The following KIF1B variants were observed in gnomAD, a reference collection of about 807,000 sequenced individuals.
KIF1B encodes kinesin family member 1B.
In KIF1B, 76 loss-of-function variants were observed where a neutral mutation model predicts 241.9. That is an observed-to-expected ratio of 0.31 (90% CI 0.26 to 0.38). The LOEUF (loss-of-function observed/expected upper bound fraction) is 0.38. Among genes scored for constraint, KIF1B ranks in the 10% least tolerant of loss-of-function variants. The pLI is 1.00. For missense variants in KIF1B, 1,622 were observed against 2,271.4 expected, an observed-to-expected ratio of 0.71 and a Z score of 5.81; for synonymous variants, 750 against 796.7, an observed-to-expected ratio of 0.94 and a Z score of 0.99.
At chr1:10,217,516 C>T (rs1437785159) in intron 1 of KIF1B, among the ~76,000 whole-genome samples, 1 of 151,798 alleles carries the variant, frequency 6.6e-6, no homozygotes, top group African/African-American at 2.4e-5. Flanking sequence ...GGTGTTTCAC[C>T]ATGTTGGCCA....
chr1:10,279,015 A>G (rs1372650044), intron 13 of KIF1B, 82 bp from the exon 14 acceptor site: 5 of 985,672 alleles, frequency 5.1e-6, no homozygotes, highest in African/African-American at 4.8e-5. Flanking sequence ...CCAAATGCCA[A>G]AAACTGCTCT....
chr1:10,308,004 C>T, intron 22 of KIF1B: 9 of 1,057,164 alleles, frequency 8.5e-6, no homozygotes, highest in Non-Finnish European at 6.9e-6. Context: ...ACCTTTTGTG[C>T]TTTAGGTGCA....
At chr1:10,250,258 G>T (rs1197710180) in intron 2 of KIF1B, among the ~76,000 whole-genome samples, 4 of 151,972 alleles carry the variant, frequency 2.6e-5, no homozygotes, top group Non-Finnish European at 4.4e-5. Context: ...CTGTAAACTA[G>T]GTATTACCTC....
chr1:10,318,374 A>G (rs1376723734), intron 22 of KIF1B, among the ~76,000 whole-genome samples: 2 of 151,538 alleles, frequency 1.3e-5, no homozygotes, highest in Non-Finnish European at 2.9e-5. Flanking sequence ...GTGGATAGTC[A>G]TACTTATACC....
intron 5 of KIF1B, among the ~76,000 whole-genome samples, chr1:10,262,662 T>C (rs959260808): frequency 3.3e-5 from 5 of 152,236 alleles, no homozygotes; most frequent in Non-Finnish European, 5.9e-5. Flanking sequence ...TTTGATAATG[T>C]AAGTATTCTC....
At chr1:10,244,708 G>C (rs1350604084) in intron 2 of KIF1B, among the ~76,000 whole-genome samples, 4 of 151,528 alleles carry the variant, frequency 2.6e-5, no homozygotes, top group Non-Finnish European at 5.9e-5. Context: ...CGCCTCCCGG[G>C]TTCACGCCAT....
At position 10,303,610 on chromosome 1, in the gene KIF1B, A is replaced by G; in HGVS notation, c.2115+6364A>G. On this transcript the variant is annotated intron_variant, in intron 22 of 48. Transcript: ENST00000676179. The surrounding 1 kb of genome is among the most constrained non-coding windows in gnomAD (Gnocchi z 5.2). ...TGAGAAGATCGAAGACGTCATGGCC[A>G]CTGGGAAAGGCAGCACTGATGTAGA... is the stretch of plus-strand genomic sequence containing the variant. 6.2e-7 allele frequency: 1 copy of G among 1,614,240 alleles called. No homozygotes were observed. The highest frequency in any genetic ancestry group is 8.5e-7 in the Non-Finnish European group (1 of 1,180,044).
chr1:10,343,004 A>G (rs1188118687), intron 33 of KIF1B, among the ~76,000 whole-genome samples: 2 of 152,196 alleles, frequency 1.3e-5, no homozygotes, highest in Non-Finnish European at 2.9e-5. Context: ...ATGTCTTGAG[A>G]TAGGCACGTG....
At chr1:10,219,551 G>A (rs187408970) in intron 1 of KIF1B, among the ~76,000 whole-genome samples, 2 of 152,010 alleles carry the variant, frequency 1.3e-5, no homozygotes, top group African/African-American at 4.8e-5. Context: ...GAGGTCGGGA[G>A]TTTGAGACTA....
At chr1:10,231,137 G>GA (rs1339594347) in intron 1 of KIF1B, 1 of 152,218 alleles carries the variant, frequency 6.6e-6, no homozygotes, top group African/African-American at 2.4e-5. Context: ...TTGAATCCGG[G>GA]AGGCAGAGGT....
chr1:10,277,759 G>T (rs1649193589), intron 12 of KIF1B, among the ~76,000 whole-genome samples: 1 of 152,178 alleles, frequency 6.6e-6, no homozygotes, highest in South Asian at 2.1e-4. Context: ...TTGGGTTTAA[G>T]TCCTCTCGCT....
At position 10,303,451 on chromosome 1, in the gene KIF1B, C is replaced by T. The variant is rs771399291; in HGVS notation, c.2115+6205C>T. The T allele has an allele frequency of 2.2e-5, 35 of 1,614,040 alleles. No individual in the cohort carries two copies. The highest frequency in any genetic ancestry group is 3.3e-5 in the South Asian group (3 of 91,086). ...TGCTCTCAATGACTTCAGGCACAGT[C>T]GGCAGGAGATTGAAGCCCTGGCCAT... On this transcript the variant is annotated intron_variant, in intron 22 of 48. Transcript: ENST00000676179. The surrounding 1 kb of genome is among the most constrained non-coding windows in gnomAD (Gnocchi z 5.2).
chr1:10,278,833 T>C (rs1352509927), intron 13 of KIF1B: 2 of 426,046 alleles, frequency 4.7e-6, no homozygotes, highest in African/African-American at 3.9e-5. Context: ...TATGGGTTAG[T>C]TTAGTAAAGC....
At chr1:10,305,698 G>A in intron 22 of KIF1B, 1 of 1,057,946 alleles carries the variant, frequency 9.5e-7, no homozygotes, top group Non-Finnish European at 1.1e-6. Flanking sequence ...AACAAGGAAG[G>A]CGAAGTCCTG....
rs1651729173 is a variant in KIF1B at position 10,326,489 on chromosome 1, A to G, written c.2924+130A>G. On this transcript the variant is annotated intron_variant, in intron 27 of 48. Transcript: ENST00000676179. This position sits in a 1 kb window ranked among gnomAD's most constrained non-coding sequence, Gnocchi z 5.2. ...ATGAATGCTCTTTTTCAAGTTCTCC[A>G]ATACTTCAAGCTCTTAGTCAGTGCT... 3 of 1,219,770 alleles carry G rather than the reference A, an allele frequency of 2.5e-6. No individual in the cohort carries two copies. Among genetic ancestry groups the G allele is most frequent in the Non-Finnish European group, 3.6e-6 (3 of 838,656 alleles). 75.6% of individuals were successfully genotyped at this position (1,219,770 alleles called of 1,614,324 possible).
chr1:10,291,628 C>T (rs570142370), intron 16 of KIF1B, among the ~76,000 whole-genome samples: 11 of 151,366 alleles, frequency 7.3e-5, no homozygotes, highest in African/African-American at 2.2e-4. Context: ...AGGAGAATGG[C>T]GTGAACCTGG....
At chr1:10,340,432 A>C (rs1350904306) in intron 32 of KIF1B, among the ~76,000 whole-genome samples, 2 of 152,188 alleles carry the variant, frequency 1.3e-5, no homozygotes, top group Non-Finnish European at 2.9e-5. Flanking sequence ...ATATTCACTG[A>C]GAGTTTATTT....
intron 5 of KIF1B, among the ~76,000 whole-genome samples, chr1:10,264,838 T>G (rs1648359373): frequency 6.6e-6 from 1 of 152,082 alleles, no homozygotes; most frequent in Non-Finnish European, 1.5e-5. Context: ...ATTTTCTGTA[T>G]TTTTAGTAGA....
intron 38 of KIF1B, among the ~76,000 whole-genome samples, chr1:10,354,200 TAAC>T (rs1052211005): frequency 1.3e-5 from 2 of 152,182 alleles, no homozygotes; most frequent in Non-Finnish European, 2.9e-5. Context: ...AAGTCAAGAA[TAAC>T]AACAACAACA....
Sources: allele counts gnomAD v4.1 joint callset (sites outside exome capture counted in the v4.1 genomes callset), GRCh38; gene constraint gnomAD v4.1.1; non-coding constraint Gnocchi (gnomAD v3.1); transcripts MANE v1.5; gene names NCBI Gene and HGNC (gene_info 2026-07-23, HGNC 2026-07-21).